NXPH2: variants seen among roughly 807,000 people sequenced by gnomAD.
NXPH2 encodes neurexophilin-2.
NXPH2 carries 5 observed loss-of-function variants against 19.8 expected under a neutral mutation model. That is an observed-to-expected ratio of 0.25 (90% CI 0.13 to 0.53). NXPH2 has a LOEUF of 0.53. NXPH2 is among the 20% of genes least tolerant of loss of function. The pLI is 0.96. For missense variants in NXPH2, 289 were observed against 322.8 expected, an observed-to-expected ratio of 0.90 and a Z score of 0.80; for synonymous variants, 154 against 127.4, an observed-to-expected ratio of 1.21 and a Z score of -1.41.
intron 1 of NXPH2, among the ~76,000 whole-genome samples, chr2:138,702,142 G>C (rs927188955): frequency 6.6e-6 from 1 of 151,060 alleles, no homozygotes; most frequent in African/African-American, 2.4e-5. Context: ...TTTCTTACAG[G>C]GTCTCTCTCT....
chr2:138,670,984 C>CGAG lies in NXPH2; in HGVS notation c.730_732dup (p.Leu244dup), dbSNP rs1680404382. 6.2e-7 allele frequency: 1 copy of CGAG among 1,613,642 alleles called. No individual in the cohort carries two copies. The highest frequency in any genetic ancestry group is 1.3e-5 in the African/African-American group (1 of 74,862). ...TTGTAGTCAGGGCACACCTTTTGCA[C>CGAG]GAGTTTATAATCAACACTGTAAAAG... On this transcript the variant is annotated inframe_insertion, in exon 2 of 2. Transcript: ENST00000272641.
intron 1 of NXPH2, among the ~76,000 whole-genome samples, chr2:138,749,889 C>T (rs922989339): frequency 2.6e-5 from 4 of 152,074 alleles, no homozygotes; most frequent in Admixed American, 6.6e-5. Context: ...CAGAGTGTGT[C>T]GCTTATTTAA....
At chr2:138,699,526 G>C (rs1306371280) in intron 1 of NXPH2, among the ~76,000 whole-genome samples, 2 of 152,116 alleles carry the variant, frequency 1.3e-5, no homozygotes, top group African/African-American at 4.8e-5. Flanking sequence ...TGTGAAAGCA[G>C]CATCCGGCAC....
intron 1 of NXPH2, among the ~76,000 whole-genome samples, chr2:138,689,632 C>T (rs867385320): frequency 1.1e-4 from 17 of 152,208 alleles, no homozygotes; most frequent in African/African-American, 4.1e-4. Flanking sequence ...GGACCTAAAT[C>T]GCATAGGAAA....
intron 1 of NXPH2, among the ~76,000 whole-genome samples, chr2:138,763,101 G>A (rs2104840037): frequency 6.6e-6 from 1 of 152,266 alleles, no homozygotes; most frequent in East Asian, 1.9e-4. Context: ...AGGATGATTG[G>A]AATTGGAAAA....
intron 1 of NXPH2, among the ~76,000 whole-genome samples, chr2:138,683,579 G>T (rs535667867): frequency 6.6e-6 from 1 of 152,120 alleles, no homozygotes; most frequent in East Asian, 1.9e-4. Context: ...TTAATATTTC[G>T]GTCTTCAGGT....
chr2:138,740,581 C>A (rs1230462278), intron 1 of NXPH2, among the ~76,000 whole-genome samples: 1 of 152,094 alleles, frequency 6.6e-6, no homozygotes. Context: ...CGTTACGTAA[C>A]TCTTTTTAAT....
intron 1 of NXPH2, among the ~76,000 whole-genome samples, chr2:138,674,764 T>C (rs1029484550): frequency 1.3e-5 from 2 of 152,252 alleles, no homozygotes; most frequent in African/African-American, 4.8e-5. Context: ...CATGGGCAGA[T>C]AAGAAGCTCT....
intron 1 of NXPH2, among the ~76,000 whole-genome samples, chr2:138,747,348 G>C (rs1383490198): frequency 6.6e-6 from 1 of 152,126 alleles, no homozygotes. Context: ...TGGATATTAG[G>C]ATAAGAAGTC....
chr2:138,692,502 T>C (rs1680760468), intron 1 of NXPH2, among the ~76,000 whole-genome samples: 1 of 152,196 alleles, frequency 6.6e-6, no homozygotes. Context: ...ATTCACCAGG[T>C]ACCTTTTTGC....
Position 138,669,966 on chromosome 2 carries a change from T to A in NXPH2, c.*956A>T, listed in dbSNP as rs1282876652. On this transcript the variant is annotated 3_prime_UTR_variant, in exon 2 of 2. Transcript: ENST00000272641. ...AATCTGGGAGGCTAGAAATAATGAA[T>A]CCATAATCCTGAAATTTCCTCCCTC... 6.6e-6 allele frequency among the ~76,000 whole-genome samples: 1 copy of A among 152,168 alleles called. No individual in the cohort carries two copies. Among genetic ancestry groups the A allele is most frequent in the Non-Finnish European group, 1.5e-5 (1 of 68,026 alleles).
intron 1 of NXPH2, among the ~76,000 whole-genome samples, chr2:138,676,433 CA>C (rs1680484814): frequency 6.6e-6 from 1 of 152,114 alleles, no homozygotes; most frequent in Non-Finnish European, 1.5e-5. Context: ...AAGACCTAAT[CA>C]GAAGACTGGA....
chr2:138,725,372 T>C (rs1214026724), intron 1 of NXPH2, among the ~76,000 whole-genome samples: 1 of 152,166 alleles, frequency 6.6e-6, no homozygotes, highest in Non-Finnish European at 1.5e-5. Context: ...TTCCCTTACA[T>C]TGCATTTTAC....
At chr2:138,746,500 T>G (rs1487757186) in intron 1 of NXPH2, among the ~76,000 whole-genome samples, 6 of 152,224 alleles carry the variant, frequency 3.9e-5, no homozygotes, top group African/African-American at 1.4e-4. Context: ...AGGGTTAGTC[T>G]GTGACAGACC....
At chr2:138,747,694 G>T (rs1281428600) in intron 1 of NXPH2, among the ~76,000 whole-genome samples, 2 of 152,122 alleles carry the variant, frequency 1.3e-5, no homozygotes, top group Non-Finnish European at 2.9e-5. Flanking sequence ...AGTCACTCTG[G>T]CTGGGCCTAC....
At chr2:138,699,883 T>C (rs1412209613) in intron 1 of NXPH2, among the ~76,000 whole-genome samples, 1 of 152,202 alleles carries the variant, frequency 6.6e-6, no homozygotes, top group Non-Finnish European at 1.5e-5. Context: ...GACGCCAACA[T>C]AGATTAGGAT....
intron 1 of NXPH2, among the ~76,000 whole-genome samples, chr2:138,672,086 G>T (rs1352033569): frequency 6.6e-6 from 1 of 152,124 alleles, no homozygotes; most frequent in Non-Finnish European, 1.5e-5. Context: ...AACTGTCAAT[G>T]ATATTGATAA....
intron 1 of NXPH2, among the ~76,000 whole-genome samples, chr2:138,696,256 T>G (rs539982246): frequency 1.3e-4 from 20 of 152,240 alleles, no homozygotes; most frequent in African/African-American, 4.8e-4. Context: ...AAAAATGATG[T>G]TCTGGTATAC....
chr2:138,712,012 C>T (rs1289597229), intron 1 of NXPH2, among the ~76,000 whole-genome samples: 1 of 152,176 alleles, frequency 6.6e-6, no homozygotes, highest in Non-Finnish European at 1.5e-5. Flanking sequence ...GGTTTCATAG[C>T]ACCTTGGGAC....
Sources: allele counts gnomAD v4.1 joint callset (sites outside exome capture counted in the v4.1 genomes callset), GRCh38; gene constraint gnomAD v4.1.1; transcripts MANE v1.5; gene names NCBI Gene and HGNC (gene_info 2026-07-23, HGNC 2026-07-21).